CDH18: variants seen among roughly 807,000 people sequenced by gnomAD.
CDH18 encodes cadherin-18.
Under a neutral mutation model 67.9 loss-of-function variants are expected in CDH18, and 31 were observed. The observed-to-expected ratio is 0.46, with a 90% CI of 0.34 to 0.62. The LOEUF (loss-of-function observed/expected upper bound fraction) is 0.62. Among genes scored for constraint, CDH18 ranks in the 20% least tolerant of loss-of-function variants. The pLI, the probability that CDH18 is intolerant of heterozygous loss-of-function variation, is 0.01. For synonymous variants in CDH18, 362 were observed against 347.2 expected, an observed-to-expected ratio of 1.04 and a Z score of -0.48; for missense variants, 890 against 975.5, an observed-to-expected ratio of 0.91 and a Z score of 1.17.
intron 1 of CDH18, among the ~76,000 whole-genome samples, chr5:20,539,735 CACACACACACACACACACACAA>C (rs1048065558): frequency 1.2e-4 from 10 of 83,940 alleles, no homozygotes; most frequent in African/African-American, 1.9e-4. Flanking sequence ...ACCACCACTA[CACACACACACACACACACACAA>C]ACACACACAC....
intron 1 of CDH18, among the ~76,000 whole-genome samples, chr5:20,266,571 A>ATTTTTTTTTTTTTTTTTTTTTG: frequency 1.7e-5 from 1 of 59,186 alleles, no homozygotes; most frequent in Non-Finnish European, 2.9e-5. Context: ...GCCCGGCTGA[A>ATTTTTTTTTTTTTTTTTTTTTG]TTTTTTTTTT....
At chr5:20,561,626 T>C (rs1758222975) in intron 1 of CDH18, among the ~76,000 whole-genome samples, 1 of 151,996 alleles carries the variant, frequency 6.6e-6, no homozygotes, top group African/African-American at 2.4e-5. Context: ...GCATAGAAGA[T>C]TTTTTTAGGG....
At chr5:20,107,206 C>A (rs769302823) in intron 2 of CDH18, among the ~76,000 whole-genome samples, 1 of 151,970 alleles carries the variant, frequency 6.6e-6, no homozygotes, top group East Asian at 1.9e-4. Context: ...TCAGCCTCCC[C>A]AGTAGCTGGG....
intron 2 of CDH18, among the ~76,000 whole-genome samples, chr5:19,917,268 G>A (rs943374640): frequency 2.0e-5 from 3 of 152,084 alleles, no homozygotes; most frequent in South Asian, 2.1e-4. Flanking sequence ...TTAACCATTG[G>A]GGGATCTTTT....
intron 1 of CDH18, among the ~76,000 whole-genome samples, chr5:20,522,125 C>G (rs1254948200): frequency 6.6e-6 from 1 of 152,172 alleles, no homozygotes; most frequent in East Asian, 1.9e-4. Context: ...CAAATACCCA[C>G]TGATGGAAGA....
At chr5:19,504,921 T>C (rs1743852061) in intron 10 of CDH18, among the ~76,000 whole-genome samples, 1 of 152,150 alleles carries the variant, frequency 6.6e-6, no homozygotes, top group South Asian at 2.1e-4. Context: ...TGCTGTGGGA[T>C]TATTATTTTC....
chr5:19,927,904 A>G (rs1793266017), intron 2 of CDH18, among the ~76,000 whole-genome samples: 1 of 152,102 alleles, frequency 6.6e-6, no homozygotes, highest in South Asian at 2.1e-4. Context: ...ATTTTGCTTC[A>G]TTGTGATTCT....
chr5:20,320,310 C>T (rs912736531), intron 1 of CDH18, among the ~76,000 whole-genome samples: 1 of 151,984 alleles, frequency 6.6e-6, no homozygotes, highest in African/African-American at 2.4e-5. Flanking sequence ...TTGGTTTTCT[C>T]TAAGAATCAG....
chr5:19,966,540 C>T (rs1797456416), intron 2 of CDH18, among the ~76,000 whole-genome samples: 1 of 151,918 alleles, frequency 6.6e-6, no homozygotes, highest in Non-Finnish European at 1.5e-5. Context: ...TAGCAAATCA[C>T]CATATCAGTC....
At chr5:20,552,168 T>G (rs755250823) in intron 1 of CDH18, among the ~76,000 whole-genome samples, 1 of 151,622 alleles carries the variant, frequency 6.6e-6, no homozygotes, top group African/African-American at 2.4e-5. Flanking sequence ...GCAGAATTTT[T>G]GGTTTCATTA....
At chr5:20,266,873 T>C (rs1745081774) in intron 1 of CDH18, among the ~76,000 whole-genome samples, 1 of 152,100 alleles carries the variant, frequency 6.6e-6, no homozygotes, top group Admixed American at 6.5e-5. Context: ...GGTAACTTCA[T>C]GACTAAAAAA....
At chr5:20,379,822 C>G (rs1402610866) in intron 1 of CDH18, among the ~76,000 whole-genome samples, 1 of 151,708 alleles carries the variant, frequency 6.6e-6, no homozygotes, top group Non-Finnish European at 1.5e-5. Flanking sequence ...ATCTCTGACT[C>G]TTGAAGAATC....
At chr5:20,206,137 A>G (rs1739865830) in intron 2 of CDH18, among the ~76,000 whole-genome samples, 1 of 151,930 alleles carries the variant, frequency 6.6e-6, no homozygotes, top group Admixed American at 6.6e-5. Context: ...AAATAAAACC[A>G]GAAATGAAAA....
intron 3 of CDH18, among the ~76,000 whole-genome samples, chr5:19,760,401 G>T (rs188594273): frequency 6.6e-6 from 1 of 152,044 alleles, no homozygotes; most frequent in Non-Finnish European, 1.5e-5. Context: ...CTAGCCCTTT[G>T]GATCTCTTCC....
chr5:19,742,885 C>T (rs145086893), intron 4 of CDH18, among the ~76,000 whole-genome samples: 15 of 152,154 alleles, frequency 9.9e-5, no homozygotes, highest in Non-Finnish European at 1.8e-4. Context: ...TTTGTTGTCA[C>T]CTGCTTACAT....
intron 5 of CDH18, among the ~76,000 whole-genome samples, chr5:19,675,535 T>C (rs1449213993): frequency 6.6e-6 from 1 of 152,096 alleles, no homozygotes; most frequent in Non-Finnish European, 1.5e-5. Flanking sequence ...CTATTTGCTT[T>C]TGAAAGAAGA....
At chr5:19,723,017 G>A (rs1288979137) in intron 4 of CDH18, among the ~76,000 whole-genome samples, 1 of 152,016 alleles carries the variant, frequency 6.6e-6, no homozygotes, top group African/African-American at 2.4e-5. Flanking sequence ...GATCACCTGA[G>A]GTCAGGAGTT....
At chr5:20,091,771 G>C (rs1745456045) in intron 2 of CDH18, among the ~76,000 whole-genome samples, 1 of 151,800 alleles carries the variant, frequency 6.6e-6, no homozygotes, top group Admixed American at 6.6e-5. Flanking sequence ...ATACTGAAGA[G>C]AGGAGGCAAT....
chr5:20,370,526 A>C (rs1466250804), intron 1 of CDH18, among the ~76,000 whole-genome samples: 1 of 152,180 alleles, frequency 6.6e-6, no homozygotes, highest in Non-Finnish European at 1.5e-5. Flanking sequence ...AAATAATTGA[A>C]GGATTATTCA....
Sources: allele counts gnomAD v4.1 joint callset (sites outside exome capture counted in the v4.1 genomes callset), GRCh38; gene constraint gnomAD v4.1.1; transcripts MANE v1.5; gene names NCBI Gene and HGNC (gene_info 2026-07-23, HGNC 2026-07-21).